Variants in THOC1 observed in about 807,000 individuals in gnomAD.
THOC1 encodes THO complex 1.
THOC1 carries 29 observed loss-of-function variants against 97.3 expected under a neutral mutation model. That is an observed-to-expected ratio of 0.30 (90% CI 0.22 to 0.41). THOC1 has a LOEUF of 0.41. Ranked by LOEUF, THOC1 falls within the 10% of genes least tolerant of loss-of-function variation. The pLI is 1.00. For missense variants in THOC1, 529 were observed against 761.9 expected (o/e 0.69, Z 3.60); for synonymous variants, 255 against 257.0 (o/e 0.99, Z 0.07).
At chr18:241,834 A>C (rs1369071080) in intron 11 of THOC1, among the ~76,000 whole-genome samples, 1 of 152,230 alleles carries the variant, frequency 6.6e-6, no homozygotes, top group Non-Finnish European at 1.5e-5. Flanking sequence ...AAGTTGAACA[A>C]TTAGAGGTAA....
chr18:224,876 C>T lies in THOC1; in HGVS notation c.1208+48G>A, dbSNP rs56263204. On this transcript the variant is annotated intron_variant, in intron 15 of 20. Coordinates refer to ENST00000261600, the MANE Select transcript of THOC1 (RefSeq NM_005131.3). ...GCACATTTTCAAAAGCCTTTCTCGT[C>T]GTTCTTGTGATGAGTATGTATTTAC... is the stretch of plus-strand genomic sequence containing the variant. 9,753 of 1,426,466 alleles carry T rather than the reference C, an allele frequency of 6.8e-3. 33 individuals are homozygous for T. Among genetic ancestry groups the T allele is most frequent in the Non-Finnish European group, 8.3e-3 (8,588 of 1,035,990 alleles). 88.4% of individuals were successfully genotyped at this position (1,426,466 alleles called of 1,614,324 possible).
chr18:229,807 T>C (rs1911421300), intron 11 of THOC1, among the ~76,000 whole-genome samples: 1 of 152,232 alleles, frequency 6.6e-6, no homozygotes, highest in South Asian at 2.1e-4. Context: ...CATGCTTTTC[T>C]AGTTTTTCTC....
At chr18:220,706 A>AGG (rs1911046923) in intron 17 of THOC1, among the ~76,000 whole-genome samples, 1 of 152,132 alleles carries the variant, frequency 6.6e-6, no homozygotes, top group Non-Finnish European at 1.5e-5. Flanking sequence ...CTGACTATTC[A>AGG]TTTGTACATT....
At chr18:257,657 A>G (rs1912477935) in intron 7 of THOC1, among the ~76,000 whole-genome samples, 2 of 152,174 alleles carry the variant, frequency 1.3e-5, no homozygotes, top group South Asian at 4.1e-4. Context: ...ACACACAAAG[A>G]GGCAAGATAC....
chr18:253,325 C>G (rs1472886395), intron 8 of THOC1, among the ~76,000 whole-genome samples: 1 of 152,144 alleles, frequency 6.6e-6, no homozygotes, highest in East Asian at 1.9e-4. Context: ...CAGACTGATG[C>G]AATATTATAC....
chr18:228,681 C>G (rs991175048), intron 11 of THOC1, among the ~76,000 whole-genome samples: 2 of 152,204 alleles, frequency 1.3e-5, no homozygotes, highest in Non-Finnish European at 2.9e-5. Context: ...CATATTTCTT[C>G]TGTCATGTCT....
chr18:261,354 A>C (rs1567857754), intron 4 of THOC1, among the ~76,000 whole-genome samples: 1 of 152,232 alleles, frequency 6.6e-6, no homozygotes, highest in Non-Finnish European at 1.5e-5. Flanking sequence ...AGCCCAAAAC[A>C]GTGCATTAAT....
intron 11 of THOC1, among the ~76,000 whole-genome samples, chr18:236,989 G>A (rs1911726325): frequency 6.6e-6 from 1 of 151,874 alleles, no homozygotes; most frequent in Admixed American, 6.6e-5. Flanking sequence ...CAGGGAGTAG[G>A]CAAGAGGGTA....
chr18:259,328 T>C, intron 6 of THOC1, 53 bp from the exon 7 acceptor site: 3 of 1,426,340 alleles, frequency 2.1e-6, no homozygotes, highest in Admixed American at 2.0e-5. Context: ...CTATGTTTAT[T>C]ACAACCACAC....
chr18:224,851 G>A, intron 15 of THOC1, 73 bp downstream of exon 15: 1 of 1,176,530 alleles, frequency 8.5e-7, no homozygotes, highest in Middle Eastern at 2.6e-4. Flanking sequence ...TCATATCGGA[G>A]CACATTTTCA....
rs1191417967 is a variant in THOC1 at position 254,840 on chromosome 18, C to T, written c.521-485G>A. On this transcript the variant is annotated intron_variant, in intron 7 of 20. Coordinates refer to ENST00000261600, the MANE Select transcript of THOC1 (RefSeq NM_005131.3). The surrounding 1 kb of genome is among the most constrained non-coding windows in gnomAD (Gnocchi z 4.1). ...CTATTTTTTTTTTTTTTTGAGACAGCGACTCACTCCTGTCACCCAGGCTGC... is the reference window on the plus strand; with the variant it reads ...CTATTTTTTTTTTTTTTTGAGACAGTGACTCACTCCTGTCACCCAGGCTGC... 8.7e-5 allele frequency among the ~76,000 whole-genome samples: 13 copies of T among 149,528 alleles called. No homozygotes were observed. Among genetic ancestry groups the T allele is most frequent in the Admixed American group, 8.0e-4 (12 of 15,008 alleles).
chr18:261,249 T>C (rs1026389680), intron 4 of THOC1: 1 of 152,176 alleles, frequency 6.6e-6, no homozygotes, highest in African/African-American at 2.4e-5. Flanking sequence ...TTCCTTCTAT[T>C]TTAAGGCAAT....
chr18:246,975 A>G (rs1201029666), intron 10 of THOC1, among the ~76,000 whole-genome samples: 8 of 152,030 alleles, frequency 5.3e-5, no homozygotes, highest in Non-Finnish European at 4.4e-5. Flanking sequence ...TAAGGGACAA[A>G]TAGATTAGGG....
intron 9 of THOC1, among the ~76,000 whole-genome samples, chr18:251,507 T>C (rs1317612387): frequency 6.6e-6 from 1 of 152,198 alleles, no homozygotes; most frequent in Non-Finnish European, 1.5e-5. Flanking sequence ...GAAGAAATTA[T>C]GGAAAGTCTT....
chr18:262,053 A>G (rs1431032163), intron 4 of THOC1, among the ~76,000 whole-genome samples: 1 of 152,154 alleles, frequency 6.6e-6, no homozygotes, highest in African/African-American at 2.4e-5. Flanking sequence ...TCATCCTTCC[A>G]TGGTTTTGTT....
At chr18:223,771 GT>G (rs1443118560) in intron 16 of THOC1, among the ~76,000 whole-genome samples, 2 of 152,110 alleles carry the variant, frequency 1.3e-5, no homozygotes, top group African/African-American at 4.8e-5. Context: ...GCAATGAATA[GT>G]TAACTGGAAG....
intron 19 of THOC1, 174 bp downstream of exon 19, chr18:216,312 C>T (rs1567840906): frequency 2.8e-6 from 2 of 708,612 alleles, no homozygotes; most frequent in Non-Finnish European, 4.7e-6. Flanking sequence ...TTTATCAACT[C>T]ATGTATTTCC....
At chr18:228,936 C>T (rs562719429) in intron 11 of THOC1, among the ~76,000 whole-genome samples, 2 of 152,308 alleles carry the variant, frequency 1.3e-5, no homozygotes, top group East Asian at 1.9e-4. Context: ...CAACCCTTTC[C>T]ACTTAGCAAA....
In THOC1 at chr18:252,406, C is replaced by T. The variant is rs899583383; in HGVS notation, c.677+133G>A. The T allele has an allele frequency of 2.6e-5, 18 of 691,908 alleles. 1 individual carries two copies. The South Asian group carries it at 3.2e-4, about 12-fold the overall frequency. The allele number at this position is 691,908 out of a possible 1,614,324, so 42.9% of individuals were successfully genotyped here. ...GATTTACGATTTATTAAGTAATATA[C>T]ATGAAAATTACAAATGAAAGAAATT... On this transcript the variant is annotated intron_variant, in intron 9 of 20. Transcript: ENST00000261600.
Sources: gnomAD v4.1 joint callset for allele counts (sites outside exome capture counted in the v4.1 genomes callset) on GRCh38, gnomAD v4.1.1 for gene constraint, Gnocchi (gnomAD v3.1) non-coding constraint, MANE v1.5 for transcripts, NCBI Gene and HGNC (gene_info 2026-07-23, HGNC 2026-07-21) for gene names.